The following PPP1R14C variants were observed in gnomAD, a reference collection of about 807,000 sequenced individuals.
The protein encoded by PPP1R14C is protein phosphatase 1 regulatory subunit 14C.
PPP1R14C carries 16 observed loss-of-function variants against 20.4 expected under a neutral mutation model. The observed-to-expected ratio is 0.78, with a 90% CI of 0.53 to 1.19. The LOEUF (loss-of-function observed/expected upper bound fraction) is 1.19. PPP1R14C is among the 50% of genes most tolerant of loss of function. The pLI is 0.00. For synonymous variants in PPP1R14C, 91 were observed against 91.0 expected (o/e 1.00, Z 0.00); for missense variants, 211 against 220.1 (o/e 0.96, Z 0.26).
At chr6:150,160,253 A>ATTTTTT (rs1562257938) in intron 1 of PPP1R14C, among the ~76,000 whole-genome samples, 1 of 117,112 alleles carries the variant, frequency 8.5e-6, no homozygotes, top group African/African-American at 3.4e-5. Context: ...TGTGTAGCTC[A>ATTTTTT]TTCTTTTTTT....
Position 150,187,893 on chromosome 6 carries a change from G to A in PPP1R14C, c.307-26851G>A, listed in dbSNP as rs1777696363. Among the ~76,000 whole-genome samples, 2 of 152,000 alleles carry A rather than the reference G, an allele frequency of 1.3e-5. 1 individual carries two copies. The highest frequency in any genetic ancestry group is 4.2e-4 in the South Asian group (2 of 4,818). On this transcript the variant is annotated intron_variant, in intron 1 of 3. Transcript: ENST00000361131. ...TTATTTTTTACATGCTTTACTTCTTGGCATGATTTGTATTTCTACAACTGA... is the reference window on the plus strand; with the variant it reads ...TTATTTTTTACATGCTTTACTTCTTAGCATGATTTGTATTTCTACAACTGA...
At chr6:150,177,079 T>C (rs1777570912) in intron 1 of PPP1R14C, among the ~76,000 whole-genome samples, 1 of 152,198 alleles carries the variant, frequency 6.6e-6, no homozygotes, top group African/African-American at 2.4e-5. Flanking sequence ...CCCTGGTTCC[T>C]GAGAGATGTC....
At chr6:150,189,758 A>T (rs2114886444) in intron 1 of PPP1R14C, among the ~76,000 whole-genome samples, 1 of 152,292 alleles carries the variant, frequency 6.6e-6, no homozygotes, top group East Asian at 1.9e-4. Context: ...CTTCAGACTG[A>T]TACAGAATGC....
intron 1 of PPP1R14C, among the ~76,000 whole-genome samples, chr6:150,174,259 G>T (rs55801184): frequency 4.0e-5 from 6 of 151,854 alleles, no homozygotes; most frequent in Non-Finnish European, 8.8e-5. Context: ...TCCCTCTGTC[G>T]CCCAGGCTGG....
chr6:150,220,917 G>T (rs1419048453), intron 3 of PPP1R14C, among the ~76,000 whole-genome samples: 1 of 152,202 alleles, frequency 6.6e-6, no homozygotes, highest in Non-Finnish European at 1.5e-5. Context: ...GGAGATGAAA[G>T]AATGTATTAT....
intron 3 of PPP1R14C, among the ~76,000 whole-genome samples, chr6:150,229,225 A>G (rs1346246818): frequency 6.6e-6 from 1 of 152,266 alleles, no homozygotes; most frequent in Non-Finnish European, 1.5e-5. Flanking sequence ...TATTTAGGCA[A>G]AATTCAGTTA....
intron 1 of PPP1R14C, among the ~76,000 whole-genome samples, chr6:150,178,626 T>G (rs978215268): frequency 2.0e-5 from 3 of 152,220 alleles, no homozygotes; most frequent in African/African-American, 7.2e-5. Flanking sequence ...TCTCCTTTTG[T>G]TTTTTGGAAT....
chr6:150,189,051 A>G (rs1400933405), intron 1 of PPP1R14C, among the ~76,000 whole-genome samples: 1 of 150,956 alleles, frequency 6.6e-6, no homozygotes, highest in Non-Finnish European at 1.5e-5. Flanking sequence ...TAGAGACAGG[A>G]TTTTGCCATT....
chr6:150,192,764 T>A (rs115714645), intron 1 of PPP1R14C, among the ~76,000 whole-genome samples: 2,006 of 152,344 alleles, frequency 0.013, 43 homozygotes, highest in African/African-American at 0.045. Flanking sequence ...AGATGGTGGC[T>A]GGGTCTGGAA....
At chr6:150,179,794 G>T (rs1461589288) in intron 1 of PPP1R14C, among the ~76,000 whole-genome samples, 1 of 152,182 alleles carries the variant, frequency 6.6e-6, no homozygotes, top group African/African-American at 2.4e-5. Flanking sequence ...TCCCAACTCT[G>T]CCACATTACT....
chr6:150,146,284 C>T (rs1402440525), intron 1 of PPP1R14C, among the ~76,000 whole-genome samples: 1 of 152,114 alleles, frequency 6.6e-6, no homozygotes, highest in Non-Finnish European at 1.5e-5. Flanking sequence ...GAGGATGAAC[C>T]CAGTCTGGAA....
At chr6:150,210,277 G>A (rs562549434) in intron 1 of PPP1R14C, among the ~76,000 whole-genome samples, 12 of 152,276 alleles carry the variant, frequency 7.9e-5, no homozygotes, top group Admixed American at 4.6e-4. Context: ...GTGTGCTCCC[G>A]TCATTACTGT....
chr6:150,166,902 C>T lies in PPP1R14C; in HGVS notation c.306+23404C>T, dbSNP rs533979200. On this transcript the variant is annotated intron_variant, in intron 1 of 3. Coordinates refer to ENST00000361131, the MANE Select transcript of PPP1R14C (RefSeq NM_030949.3). Reference sequence around the variant, plus strand: ...CCTTGAAGTCAGGAATTTTGTAACTCCAGTCATTTGGAACCGAGTGAAGGA... The same window carrying T: ...CCTTGAAGTCAGGAATTTTGTAACTTCAGTCATTTGGAACCGAGTGAAGGA... Among the ~76,000 whole-genome samples the T allele has an allele frequency of 1.7e-3, 266 of 152,220 alleles. 1 individual carries two copies. Among genetic ancestry groups the T allele is most frequent in the African/African-American group, 6.2e-3 (258 of 41,528 alleles).
At chr6:150,195,083 A>C (rs9397730) in intron 1 of PPP1R14C, 20,184 of 984,044 alleles carry the variant, frequency 0.021, 796 homozygotes, top group African/African-American at 0.15. Flanking sequence ...AATCTGTCTC[A>C]ATTTCAAGAG....
rs190935411 is a variant in PPP1R14C, at chr6:150,167,282, T to C, written c.306+23784T>C. Among the ~76,000 whole-genome samples the C allele has an allele frequency of 5.0e-3, 766 of 151,922 alleles. 5 individuals are homozygous for C. Among genetic ancestry groups the C allele is most frequent in the African/African-American group, 0.018 (733 of 41,448 alleles). Reference sequence around the variant, plus strand: ...ACTCAGGAGGCTGAGGCAGGAGAATTGCTTGAACCCAGGAGGCAGAGGTTG... The same window carrying C: ...ACTCAGGAGGCTGAGGCAGGAGAATCGCTTGAACCCAGGAGGCAGAGGTTG... On this transcript the variant is annotated intron_variant, in intron 1 of 3. Transcript: ENST00000361131.
At chr6:150,158,017 G>A (rs938792407) in intron 1 of PPP1R14C, among the ~76,000 whole-genome samples, 2 of 152,184 alleles carry the variant, frequency 1.3e-5, no homozygotes, top group African/African-American at 2.4e-5. Context: ...AGCTGGCTTG[G>A]TCTATCTAGA....
At chr6:150,240,450 T>C (rs1344662381) in intron 3 of PPP1R14C, among the ~76,000 whole-genome samples, 3 of 151,926 alleles carry the variant, frequency 2.0e-5, no homozygotes, top group African/African-American at 2.4e-5. Flanking sequence ...GGCTCAAGAG[T>C]GCTGGTTACA....
chr6:150,213,448 C>T (rs1778053141), intron 1 of PPP1R14C, among the ~76,000 whole-genome samples: 1 of 152,156 alleles, frequency 6.6e-6, no homozygotes, highest in African/African-American at 2.4e-5. Flanking sequence ...AAGTCAGCCT[C>T]TTCTGGGAAG....
intron 3 of PPP1R14C, among the ~76,000 whole-genome samples, chr6:150,218,481 C>CT (rs1390606370): frequency 3.4e-5 from 4 of 117,104 alleles, no homozygotes; most frequent in African/African-American, 1.4e-4. Context: ...TGAACCCCCC[C>CT]CCCCAAAAAA....
Sources: allele counts gnomAD v4.1 joint callset (sites outside exome capture counted in the v4.1 genomes callset), GRCh38; gene constraint gnomAD v4.1.1; transcripts MANE v1.5; gene names NCBI Gene and HGNC (gene_info 2026-07-23, HGNC 2026-07-21).